MIX23: variants seen among roughly 807,000 people sequenced by gnomAD.
MIX23 encodes protein MIX23.
A neutral mutation model predicts 21.6 loss-of-function variants in MIX23; 13 were observed. That is an observed-to-expected ratio of 0.60 (90% CI 0.39 to 0.96). The LOEUF (loss-of-function observed/expected upper bound fraction) is 0.96. MIX23 is among the 40% of genes least tolerant of loss of function. The pLI is 0.00. For missense variants in MIX23, 144 were observed against 171.2 expected, an observed-to-expected ratio of 0.84 and a Z score of 0.89; for synonymous variants, 59 against 58.0, an observed-to-expected ratio of 1.02 and a Z score of -0.08.
At chr3:122,370,028 G>A (rs1299714411) in intron 2 of MIX23, among the ~76,000 whole-genome samples, 1 of 152,178 alleles carries the variant, frequency 6.6e-6, no homozygotes, top group African/African-American at 2.4e-5. Context: ...GGGATTACAG[G>A]TGTGAGCCAC....
intron 2 of MIX23, among the ~76,000 whole-genome samples, chr3:122,368,757 C>A (rs1383289241): frequency 6.6e-6 from 1 of 152,152 alleles, no homozygotes. Flanking sequence ...TTTCCTGTCT[C>A]ACATTGTCAA....
At chr3:122,377,182 G>A (rs149910043) in intron 1 of MIX23, among the ~76,000 whole-genome samples, 7 of 152,094 alleles carry the variant, frequency 4.6e-5, no homozygotes, top group South Asian at 2.1e-4. Context: ...CTCCATCTCC[G>A]AAAAGAAACC....
chr3:122,366,302 G>A (rs1179714078), intron 3 of MIX23, among the ~76,000 whole-genome samples: 1 of 152,190 alleles, frequency 6.6e-6, no homozygotes, highest in Non-Finnish European at 1.5e-5. Context: ...GGATCCACCA[G>A]TGCCTGTGGC....
chr3:122,376,732 G>A (rs1479681819), intron 1 of MIX23, among the ~76,000 whole-genome samples: 1 of 152,154 alleles, frequency 6.6e-6, no homozygotes, highest in Non-Finnish European at 1.5e-5. Context: ...AATACCAAAT[G>A]TGCTTGCTTA....
chr3:122,383,069 T>G (rs1193704334), intron 1 of MIX23, 105 bp downstream of exon 1: 1 of 1,456,758 alleles, frequency 6.9e-7, no homozygotes, highest in Non-Finnish European at 9.6e-7. Flanking sequence ...GAGCTTTGAA[T>G]TGCCCGCTTT....
intron 4 of MIX23, among the ~76,000 whole-genome samples, chr3:122,361,807 G>T (rs570778198): frequency 6.6e-6 from 1 of 152,298 alleles, no homozygotes; most frequent in Non-Finnish European, 1.5e-5. Context: ...CCTTGGCAAA[G>T]AGGATAAGAT....
intron 1 of MIX23, among the ~76,000 whole-genome samples, chr3:122,374,376 T>A (rs2075466888): frequency 6.6e-6 from 1 of 152,218 alleles, no homozygotes; most frequent in African/African-American, 2.4e-5. Flanking sequence ...CAGGTCCTCC[T>A]ATGGTTAACA....
intron 2 of MIX23, among the ~76,000 whole-genome samples, chr3:122,370,228 G>T (rs908829909): frequency 6.6e-6 from 1 of 152,088 alleles, no homozygotes; most frequent in Non-Finnish European, 1.5e-5. Context: ...AAGGCGGGTG[G>T]ATCACTTGAG....
chr3:122,368,463 A>C lies in MIX23; in HGVS notation c.178-141T>G, dbSNP rs371613257. 3.4e-6 allele frequency: 3 copies of C among 873,634 alleles called. No individual in the cohort carries two copies. The African/African-American group carries it at 5.2e-5, about 15-fold the overall frequency. The allele number at this position is 873,634 out of a possible 1,614,324, so 54.1% of individuals were successfully genotyped here. Reference sequence around the variant, plus strand: ...CTGACGACTGAAACCATGAAAGAGAAGATTGTGTTGAATCAGCTACCTCAT... The same window carrying C: ...CTGACGACTGAAACCATGAAAGAGACGATTGTGTTGAATCAGCTACCTCAT... On this transcript the variant is annotated intron_variant, in intron 2 of 4. Coordinates refer to ENST00000291458, the MANE Select transcript of MIX23 (RefSeq NM_001017928.4).
chr3:122,365,536 C>T (rs1559989600), intron 3 of MIX23: 1 of 152,188 alleles, frequency 6.6e-6, no homozygotes, highest in Non-Finnish European at 1.5e-5. Context: ...TACCCCCAAC[C>T]CTATATGTTA....
intron 3 of MIX23, among the ~76,000 whole-genome samples, chr3:122,366,227 C>G (rs1258673250): frequency 6.7e-6 from 1 of 150,040 alleles, no homozygotes; most frequent in African/African-American, 2.5e-5. Flanking sequence ...AATAAATAAT[C>G]TATATGCCTT....
At chr3:122,380,136 G>T (rs1368850278) in intron 1 of MIX23, among the ~76,000 whole-genome samples, 1 of 152,054 alleles carries the variant, frequency 6.6e-6, no homozygotes, top group African/African-American at 2.4e-5. Context: ...TAGGGGTGAG[G>T]AGTAGGAAAG....
intron 3 of MIX23, among the ~76,000 whole-genome samples, chr3:122,364,850 C>T (rs1394570353): frequency 1.3e-5 from 2 of 152,042 alleles, no homozygotes; most frequent in East Asian, 1.9e-4. Context: ...CGCACATGCC[C>T]CCCAGAAATA....
chr3:122,379,688 A>G (rs2075515544), intron 1 of MIX23, among the ~76,000 whole-genome samples: 1 of 152,236 alleles, frequency 6.6e-6, no homozygotes, highest in African/African-American at 2.4e-5. Context: ...ACACCTGTCC[A>G]CAGAAATAAC....
chr3:122,369,625 A>G (rs2075423966), intron 2 of MIX23, among the ~76,000 whole-genome samples: 1 of 152,236 alleles, frequency 6.6e-6, no homozygotes, highest in African/African-American at 2.4e-5. Flanking sequence ...TCAAACACAC[A>G]CACAGGATTT....
intron 1 of MIX23, among the ~76,000 whole-genome samples, chr3:122,375,598 T>C (rs1341021917): frequency 6.6e-6 from 1 of 151,998 alleles, no homozygotes; most frequent in Non-Finnish European, 1.5e-5. Context: ...GTTGTTGGAG[T>C]TGGGGGATGG....
At chr3:122,381,728 TAA>T (rs55955834) in intron 1 of MIX23, among the ~76,000 whole-genome samples, 46,157 of 130,428 alleles carry the variant, frequency 0.35, 7,612 homozygotes, top group East Asian at 0.55. Flanking sequence ...AAAAAAAAAA[TAA>T]AAAAAAAAAA....
intron 3 of MIX23, among the ~76,000 whole-genome samples, chr3:122,364,826 C>T (rs2075384811): frequency 6.6e-6 from 1 of 152,102 alleles, no homozygotes. Flanking sequence ...TTACTTACAT[C>T]CTTGAATCCT....
At position 122,367,641 on chromosome 3, in the gene MIX23, T is replaced by C. The variant is rs116160414; in HGVS notation, c.324+535A>G. ...TAGCAACTTTTACACAGTAGGGAAA[T>C]AAATTATAATGAGGTACAAGTAAAT... On this transcript the variant is annotated intron_variant, in intron 3 of 4. Coordinates refer to ENST00000291458, the MANE Select transcript of MIX23 (RefSeq NM_001017928.4). 4.1e-3 allele frequency among the ~76,000 whole-genome samples: 623 copies of C among 152,316 alleles called. 3 individuals are homozygous for C. The highest frequency in any genetic ancestry group is 0.014 in the African/African-American group (592 of 41,574).
Sources: allele counts gnomAD v4.1 joint callset (sites outside exome capture counted in the v4.1 genomes callset), GRCh38; gene constraint gnomAD v4.1.1; transcripts MANE v1.5; gene names NCBI Gene and HGNC (gene_info 2026-07-23, HGNC 2026-07-21).